The following AURKB variants were observed in gnomAD, a reference collection of about 807,000 sequenced individuals.
AURKB encodes the protein aurora kinase B.
In AURKB, 28 loss-of-function variants were observed where a neutral mutation model predicts 36.5. The ratio of observed to expected loss-of-function variants is 0.77; its 90% CI spans 0.57 to 1.05. The LOEUF is 1.05. AURKB is among the 50% of genes least tolerant of loss of function. The probability of loss-of-function intolerance (pLI) is 0.00; values close to 1 mark genes in which losing one functional copy is unlikely to be tolerated. For synonymous variants in AURKB, 175 were observed against 172.9 expected (o/e 1.01, Z -0.09); for missense variants, 383 against 447.4 (o/e 0.86, Z 1.30).
Position 8,204,968 on chromosome 17 carries a change from G to C in AURKB, c.938C>G (p.Ser313Trp). 1 of 1,610,264 alleles carries C rather than the reference G, an allele frequency of 6.2e-7. No individual in the cohort carries two copies. Among genetic ancestry groups the C allele is most frequent in the Non-Finnish European group, 8.5e-7 (1 of 1,179,106 alleles). ...LISKLLRHNP[S>W]ERLPLAQVSA... ...GACCTGGGCCAGGGGCAGCCGTTCC[G>C]AGGGGTTATGCCTGAGCAGTTTGGA... The change falls in exon 9 of 9, where the codon TCG becomes TGG. Residue 313 changes from serine (S) to tryptophan (W), a missense_variant. This residue lies in a region of AURKB where 219 missense variants were observed against 252.6 expected (regional missense o/e 0.87). Coordinates refer to ENST00000585124, the MANE Select transcript of AURKB (RefSeq NM_004217.4).
chr17:8,205,465 G>T, intron 7 of AURKB, 75 bp from the exon 8 acceptor site: 1 of 1,546,426 alleles, frequency 6.5e-7, no homozygotes, highest in South Asian at 1.2e-5. Context: ...CTGACGGCTG[G>T]GAGCCAAAAG....
chr17:8,207,806 A>G lies in AURKB; in HGVS notation c.83T>C (p.Val28Ala). 1.2e-6 allele frequency: 2 copies of G among 1,613,728 alleles called. No individual in the cohort carries two copies. Among genetic ancestry groups the G allele is most frequent in the Non-Finnish European group, 1.7e-6 (2 of 1,179,914 alleles). Residue 28 changes from valine to alanine, a missense_variant, in exon 3 of 9, where the codon GTC becomes GCC. Transcript: ENST00000585124. ...PSGLSTLPQR[V>A]LRKEPVTPSA... Reference sequence around the variant, plus strand: ...TGGGGTGACAGGCTCTTTCCGGAGGACTCGCTGGGGCAGGGTGCTCAGGCC... The same window carrying G: ...TGGGGTGACAGGCTCTTTCCGGAGGGCTCGCTGGGGCAGGGTGCTCAGGCC...
Position 8,206,891 on chromosome 17 carries a change from G to T in AURKB, c.399-3C>A. 1.2e-6 allele frequency: 2 copies of T among 1,614,162 alleles called. No individual in the cohort carries two copies. The highest frequency in any genetic ancestry group is 1.7e-5 in the Admixed American group (1 of 60,032). On this transcript the variant is annotated splice_polypyrimidine_tract_variant and splice_region_variant and intron_variant, in intron 5 of 8. Transcript: ENST00000585124. This position sits in a 1 kb window ranked among gnomAD's most constrained non-coding sequence, Gnocchi z 4.2. ...AGAGACGCAGGATGTTGGGATGGCT[G>T]GGGGAAGAGACAGAGGAGGCCTCAG...
chr17:8,207,081 G>A (rs1344820014), intron 5 of AURKB, 95 bp downstream of exon 5: 5 of 1,484,190 alleles, frequency 3.4e-6, no homozygotes, highest in Non-Finnish European at 3.6e-6. Flanking sequence ...ACTAGCCATA[G>A]CTACAGAGAA....
Position 8,206,963 on chromosome 17 carries a change from G to T in AURKB, c.399-75C>A, listed in dbSNP as rs962146355. 2 of 1,603,456 alleles carry T rather than the reference G, an allele frequency of 1.2e-6. No individual in the cohort carries two copies. Among genetic ancestry groups the T allele is most frequent in the Non-Finnish European group, 1.7e-6 (2 of 1,176,094 alleles). ...GAAAAGATGATAGGAGCAAACTGGG[G>T]TCAGACGTGGCCCAGGCCGGGGACA... On this transcript the variant is annotated intron_variant, in intron 5 of 8. Transcript: ENST00000585124. This position sits in a 1 kb window ranked among gnomAD's most constrained non-coding sequence, Gnocchi z 4.2.
intron 2 of AURKB, among the ~76,000 whole-genome samples, chr17:8,208,587 T>C (rs1985690453): frequency 9.7e-6 from 1 of 102,796 alleles, no homozygotes; most frequent in Non-Finnish European, 2.2e-5. Context: ...TGAGGCTCCG[T>C]CTCAAAAAAT....
chr17:8,210,473 TC>T (rs1445976338), intron 1 of AURKB, 56 bp downstream of exon 1: 71 of 537,940 alleles, frequency 1.3e-4, no homozygotes, highest in African/African-American at 1.3e-3. Context: ...GACCCTCTGA[TC>T]TACCTGATCA....
At chr17:8,205,626 C>G (rs1004901556) in intron 7 of AURKB, among the ~76,000 whole-genome samples, 7 of 152,170 alleles carry the variant, frequency 4.6e-5, no homozygotes, top group African/African-American at 1.7e-4. Flanking sequence ...ATAAGATACC[C>G]TGATATGAGG....
chr17:8,205,869 T>TCCCGAACAGCTGGGATTACAAGTGTGCA (rs1166280365), intron 7 of AURKB, among the ~76,000 whole-genome samples: 4 of 151,928 alleles, frequency 2.6e-5, no homozygotes, highest in Non-Finnish European at 5.9e-5. Flanking sequence ...TGTCTCAGCC[T>TCCCGAACAGCTGGGATTACAAGTGTGCA]CCCGAACAGC....
chr17:8,205,145 C>A, intron 8 of AURKB, 71 bp downstream of exon 8: 1 of 1,550,410 alleles, frequency 6.4e-7, no homozygotes, highest in Non-Finnish European at 8.7e-7. Context: ...CATGCAAATA[C>A]ACTCTGCCCA....
Position 8,206,967 on chromosome 17 carries a change from G to A in AURKB, c.399-79C>T, listed in dbSNP as rs1193192664. On this transcript the variant is annotated intron_variant, in intron 5 of 8. Coordinates refer to ENST00000585124, the MANE Select transcript of AURKB (RefSeq NM_004217.4). This position sits in a 1 kb window ranked among gnomAD's most constrained non-coding sequence, Gnocchi z 4.2. ...AGATGATAGGAGCAAACTGGGGTCAGACGTGGCCCAGGCCGGGGACACCAG... is the reference window on the plus strand; with the variant it reads ...AGATGATAGGAGCAAACTGGGGTCAAACGTGGCCCAGGCCGGGGACACCAG... The A allele has an allele frequency of 6.2e-7, 1 of 1,600,762 alleles. No homozygotes were observed. Among genetic ancestry groups the A allele is most frequent in the African/African-American group, 1.3e-5 (1 of 74,676 alleles).
chr17:8,207,922 C>T, intron 2 of AURKB, 82 bp from the exon 3 acceptor site: 2 of 1,210,138 alleles, frequency 1.7e-6, no homozygotes, highest in South Asian at 3.0e-5. Context: ...TATTTCAGCC[C>T]CTTGCTAAAG....
At chr17:8,207,409 GTTA>G (rs746526765) in intron 4 of AURKB, 42 bp from the exon 5 acceptor site, 3 of 1,599,072 alleles carry the variant, frequency 1.9e-6, no homozygotes, top group Middle Eastern at 1.7e-4. Flanking sequence ...ACCGGTTTTG[GTTA>G]TTAAGAGGTT....
At chr17:8,210,495 C>T (rs1338540542) in intron 1 of AURKB, 35 bp downstream of exon 1, 2 of 500,354 alleles carry the variant, frequency 4.0e-6, no homozygotes, top group Non-Finnish European at 7.0e-6. Context: ...TCTGCCCACT[C>T]CCGGCGCAAG....
chr17:8,207,446 C>T, intron 4 of AURKB, 79 bp from the exon 5 acceptor site: 1 of 1,557,928 alleles, frequency 6.4e-7, no homozygotes, highest in Non-Finnish European at 8.8e-7. Context: ...CTTCCTCATC[C>T]CATCCTGTCC....
chr17:8,207,866 G>A (rs752125891), intron 2 of AURKB, 26 bp from the exon 3 acceptor site: 1 of 1,580,092 alleles, frequency 6.3e-7, no homozygotes, highest in South Asian at 1.1e-5. Context: ...GGGTAGCTCT[G>A]AGGGTGCCTT....
chr17:8,206,592 C>A lies in AURKB; in HGVS notation c.585G>T (p.Lys195Asn), dbSNP rs1456213387. 1 of 1,614,072 alleles carries A rather than the reference C, an allele frequency of 6.2e-7. No homozygotes were observed. The highest frequency in any genetic ancestry group is 1.3e-5 in the African/African-American group (1 of 74,930). The change falls in exon 7 of 9, where the codon AAG becomes AAT. Residue 195 changes from lysine to asparagine, a missense_variant. By Grantham distance (94) the Lys-to-Asn change is moderately conservative. This residue lies in a region of AURKB where 219 missense variants were observed against 252.6 expected (regional missense o/e 0.87). Transcript: ENST00000585124. This position sits in a 1 kb window ranked among gnomAD's most constrained non-coding sequence, Gnocchi z 4.2. Reference protein sequence around the residue: ...ADALMYCHGKKVIHRDIKPEN... With the variant: ...ADALMYCHGKNVIHRDIKPEN... ...CTGGCTTTATGTCTCTGTGAATCAC[C>A]TTCTTCCCATGGCAGTACATTAGAG...
rs902859839 is a variant in AURKB at position 8,207,552 on chromosome 17, C to G, written c.206+19G>C. ...ATTGTCCCCTCACCCCCGTCCACCC[C>G]CAGGCTTGGGGCACTTACGTTAAGA... On this transcript the variant is annotated intron_variant, in intron 4 of 8. Coordinates refer to ENST00000585124, the MANE Select transcript of AURKB (RefSeq NM_004217.4). 23 of 1,611,556 alleles carry G rather than the reference C, an allele frequency of 1.4e-5. No individual in the cohort carries two copies. Among genetic ancestry groups the G allele is most frequent in the Non-Finnish European group, 1.9e-5 (22 of 1,178,278 alleles).
In AURKB at chr17:8,205,230, G is replaced by C; in HGVS notation, c.847C>G (p.Arg283Gly). ...CGCCCTCCCACCTTGACGATGCGGC[G>C]ATAGGTCTCGTTGTGTGATGCACTC... is the stretch of plus-strand genomic sequence containing the variant. The part of the protein sequence containing the change: ...FESASHNETY[R>G]RIVKVDLKFP... Residue 283 changes from arginine (R) to glycine (G), a missense_variant, in exon 8 of 9, where the codon CGC becomes GGC. Transcript: ENST00000585124. 1 of 1,613,326 alleles carries C rather than the reference G, an allele frequency of 6.2e-7. No individual in the cohort carries two copies.
Sources: gnomAD v4.1 joint callset for allele counts (sites outside exome capture counted in the v4.1 genomes callset) on GRCh38, gnomAD v4.1.1 for gene constraint, gnomAD v4.1.1 regional missense constraint, Gnocchi (gnomAD v3.1) non-coding constraint, MANE v1.5 for transcripts, NCBI Gene and HGNC (gene_info 2026-07-23, HGNC 2026-07-21) for gene names.